Variants in FHOD3 observed in about 807,000 individuals in gnomAD.
The protein encoded by FHOD3 is formin homology 2 domain containing 3, also known as FH1/FH2 domain-containing protein 3.
In FHOD3, 90 loss-of-function variants were observed where a neutral mutation model predicts 173.0. The observed-to-expected ratio is 0.52, with a 90% CI of 0.44 to 0.62. The LOEUF is 0.62. FHOD3 is among the 20% of genes least tolerant of loss of function. The probability of loss-of-function intolerance (pLI) is 0.00; values close to 1 mark genes in which losing one functional copy is unlikely to be tolerated. For synonymous variants in FHOD3, 828 were observed against 823.0 expected, an observed-to-expected ratio of 1.01 and a Z score of -0.10; for missense variants, 1,945 against 2,034.7, an observed-to-expected ratio of 0.96 and a Z score of 0.85.
intron 5 of FHOD3, among the ~76,000 whole-genome samples, chr18:36,516,032 C>T (rs761883240): frequency 2.0e-5 from 3 of 152,172 alleles, no homozygotes; most frequent in South Asian, 2.1e-4. Flanking sequence ...GTGACATTTG[C>T]GTTTTCCTGC....
chr18:36,417,484 G>C (rs1243595016), intron 3 of FHOD3, among the ~76,000 whole-genome samples: 1 of 152,116 alleles, frequency 6.6e-6, no homozygotes, highest in Admixed American at 6.5e-5. Context: ...GGGCATTTAG[G>C]TTGATTCCAT....
chr18:36,468,778 G>C (rs918435712), intron 3 of FHOD3, among the ~76,000 whole-genome samples: 1 of 152,180 alleles, frequency 6.6e-6, no homozygotes, highest in African/African-American at 2.4e-5. Context: ...CCCAGGCCCT[G>C]CTGTGGCTGC....
At chr18:36,360,155 T>G (rs774412825) in intron 2 of FHOD3, among the ~76,000 whole-genome samples, 10 of 152,150 alleles carry the variant, frequency 6.6e-5, no homozygotes, top group Non-Finnish European at 7.4e-5. Context: ...AAGGTGGGCT[T>G]TTAGGCAAGC....
At chr18:36,767,884 C>A (rs968815407) in intron 27 of FHOD3, among the ~76,000 whole-genome samples, 1 of 152,102 alleles carries the variant, frequency 6.6e-6, no homozygotes, top group Non-Finnish European at 1.5e-5. Flanking sequence ...CTGTTCCCAA[C>A]CATTTCCATT....
At chr18:36,566,945 G>T (rs1248479572) in intron 5 of FHOD3, among the ~76,000 whole-genome samples, 1 of 152,134 alleles carries the variant, frequency 6.6e-6, no homozygotes, top group East Asian at 1.9e-4. Context: ...TGCGTTTTCT[G>T]TTCTATTTCA....
chr18:36,505,579 G>A (rs909001464), intron 4 of FHOD3, among the ~76,000 whole-genome samples: 21 of 152,206 alleles, frequency 1.4e-4, no homozygotes, highest in African/African-American at 5.1e-4. Flanking sequence ...GAAGGGAGCT[G>A]CATATTTTCA....
chr18:36,327,784 G>A (rs1246138398), intron 1 of FHOD3, among the ~76,000 whole-genome samples: 1 of 152,008 alleles, frequency 6.6e-6, no homozygotes, highest in African/African-American at 2.4e-5. Context: ...TTCTACAAAG[G>A]GCCACATAGT....
intron 1 of FHOD3, among the ~76,000 whole-genome samples, chr18:36,325,293 G>T (rs1259322730): frequency 6.6e-6 from 1 of 151,732 alleles, no homozygotes; most frequent in Non-Finnish European, 1.5e-5. Flanking sequence ...GATTTATATA[G>T]CTTTCTACAC....
chr18:36,705,947 CTG>C (rs3222016), intron 17 of FHOD3, among the ~76,000 whole-genome samples: 19,103 of 142,414 alleles, frequency 0.13, 1,333 homozygotes, highest in African/African-American at 0.2. Flanking sequence ...TCAGAAGGAA[CTG>C]TGTGTGTGTG....
chr18:36,497,563 T>C (rs1450032655), intron 3 of FHOD3, among the ~76,000 whole-genome samples: 1 of 152,200 alleles, frequency 6.6e-6, no homozygotes, highest in Non-Finnish European at 1.5e-5. Context: ...TCCATATTCA[T>C]ATCAGAAAAG....
At chr18:36,585,792 CAGT>C (rs1304003501) in intron 6 of FHOD3, among the ~76,000 whole-genome samples, 2 of 152,204 alleles carry the variant, frequency 1.3e-5, no homozygotes, top group East Asian at 3.8e-4. Flanking sequence ...TGAGTTTTAG[CAGT>C]TGGAGGAAGA....
At chr18:36,650,837 A>C (rs1301578342) in intron 11 of FHOD3, among the ~76,000 whole-genome samples, 2 of 152,230 alleles carry the variant, frequency 1.3e-5, no homozygotes, top group African/African-American at 4.8e-5. Flanking sequence ...GTCTCTACCT[A>C]GGATTTTTAT....
At chr18:36,469,201 AG>A (rs2053132782) in intron 3 of FHOD3, among the ~76,000 whole-genome samples, 1 of 152,200 alleles carries the variant, frequency 6.6e-6, no homozygotes, top group African/African-American at 2.4e-5. Context: ...CACCAGGTAT[AG>A]AGCTATACAC....
At chr18:36,643,603 T>C (rs2644262) in intron 10 of FHOD3, among the ~76,000 whole-genome samples, 47,581 of 152,088 alleles carry the variant, frequency 0.31, 7,868 homozygotes, top group South Asian at 0.42. Context: ...ACTTGCATTC[T>C]TTTCATCACT....
intron 14 of FHOD3, among the ~76,000 whole-genome samples, chr18:36,673,878 G>A (rs1228662512): frequency 1.3e-5 from 2 of 151,978 alleles, no homozygotes; most frequent in Admixed American, 1.3e-4. Context: ...ATATATGAGG[G>A]ATATGTATAT....
At chr18:36,318,916 G>A (rs1010713295) in intron 1 of FHOD3, among the ~76,000 whole-genome samples, 9 of 152,052 alleles carry the variant, frequency 5.9e-5, no homozygotes, top group African/African-American at 1.7e-4. Context: ...TAGTTTACTG[G>A]GAGTTTTTAG....
chr18:36,609,404 C>T (rs947386185), intron 8 of FHOD3, among the ~76,000 whole-genome samples: 3 of 151,994 alleles, frequency 2.0e-5, no homozygotes, highest in Non-Finnish European at 4.4e-5. Context: ...GTATAGCACC[C>T]TCTTGCACAG....
Position 36,297,795 on chromosome 18 carries a change from C to G in FHOD3, c.-41C>G, listed in dbSNP as rs1329148576. On this transcript the variant is annotated 5_prime_UTR_variant, in exon 1 of 29. Coordinates refer to ENST00000590592, the MANE Select transcript of FHOD3 (RefSeq NM_001281740.3). ...ACCCGGGCGTCCCGGCCCGCGGCCC[C>G]GCTAACCCCGGGGCCCGCGCCCCCG... 1.4e-6 allele frequency: 2 copies of G among 1,474,144 alleles called. No homozygotes were observed. The highest frequency in any genetic ancestry group is 2.6e-5 in the South Asian group (2 of 76,782). 91.3% of individuals were successfully genotyped at this position (1,474,144 alleles called of 1,614,324 possible).
rs116482084 is a variant in FHOD3, at chr18:36,495,563, T to C, written c.338-6369T>C. Among the ~76,000 whole-genome samples, 706 of 152,322 alleles carry C rather than the reference T, an allele frequency of 4.6e-3. 6 individuals carry two copies. Among genetic ancestry groups the C allele is most frequent in the African/African-American group, 0.016 (684 of 41,588 alleles). On this transcript the variant is annotated intron_variant, in intron 3 of 28. Coordinates refer to ENST00000590592, the MANE Select transcript of FHOD3 (RefSeq NM_001281740.3). ...GTCTACAGCCCCCTTCTGCACCACA[T>C]GTGGAATCTACTTTATTTTGCTTTG... is the stretch of plus-strand genomic sequence containing the variant.
Sources: gnomAD v4.1 joint callset for allele counts (sites outside exome capture counted in the v4.1 genomes callset) on GRCh38, gnomAD v4.1.1 for gene constraint, MANE v1.5 for transcripts, NCBI Gene and HGNC (gene_info 2026-07-23, HGNC 2026-07-21) for gene names.